Variants in CPNE8 observed in about 807,000 individuals in gnomAD.
CPNE8 encodes copine 8.
Under a neutral mutation model 81.5 loss-of-function variants are expected in CPNE8, and 45 were observed. The observed-to-expected ratio is 0.55, with a 90% CI of 0.44 to 0.71. The LOEUF is 0.71. Ranked by LOEUF, CPNE8 falls within the 30% of genes least tolerant of loss-of-function variation. CPNE8 has a pLI of 0.00. For synonymous variants in CPNE8, 252 were observed against 226.3 expected, an observed-to-expected ratio of 1.11 and a Z score of -1.02; for missense variants, 594 against 672.1, an observed-to-expected ratio of 0.88 and a Z score of 1.28.
Position 38,713,214 on chromosome 12 carries a change from G to A in CPNE8, c.915-10293C>T, listed in dbSNP as rs140629205. Reference sequence around the variant, plus strand: ...TCTTTGAAATTGGGCTGACTTTTTCGCAAACATTTATTCCTTATTGAATTT... The same window carrying A: ...TCTTTGAAATTGGGCTGACTTTTTCACAAACATTTATTCCTTATTGAATTT... On this transcript the variant is annotated intron_variant, in intron 13 of 19. Coordinates refer to ENST00000331366, the MANE Select transcript of CPNE8 (RefSeq NM_153634.3). 2.0e-3 allele frequency among the ~76,000 whole-genome samples: 297 copies of A among 152,148 alleles called. 2 individuals are homozygous for A. Among genetic ancestry groups the A allele is most frequent in the African/African-American group, 4.2e-3 (175 of 41,508 alleles).
In CPNE8 at chr12:38,653,623, A is replaced by AAAAAAAAAAAAG. The variant is rs1345566666; in HGVS notation, c.*258_*259insCTTTTTTTTTTT. 3.5e-6 allele frequency: 1 copy of AAAAAAAAAAAAG among 286,104 alleles called. No homozygotes were observed. The highest frequency in any genetic ancestry group is 5.5e-5 in the East Asian group (1 of 18,298). 17.7% of individuals were successfully genotyped at this position (286,104 alleles called of 1,614,324 possible). On this transcript the variant is annotated 3_prime_UTR_variant, in exon 20 of 20. Coordinates refer to ENST00000331366, the MANE Select transcript of CPNE8 (RefSeq NM_153634.3). ...GGAAATTAGCTGTTTCTGTTAAAAA[A>AAAAAAAAAAAAG]AAAAAGAAAGAAAGATTTAGAGAAG...
chr12:38,683,778 AT>A (rs1259163402), intron 16 of CPNE8, among the ~76,000 whole-genome samples: 2 of 152,148 alleles, frequency 1.3e-5, no homozygotes, highest in African/African-American at 2.4e-5. Flanking sequence ...CATGTAAAAA[AT>A]AATAAAGAAT....
rs1323606996 is a variant in CPNE8 at position 38,677,706 on chromosome 12, A to G, written c.1272-152T>C. ...TCTTATGCAAACTTTCAAATACACA[A>G]TTATCTGAAATAACACACTAGAACA... is the stretch of plus-strand genomic sequence containing the variant. On this transcript the variant is annotated intron_variant, in intron 16 of 19. Coordinates refer to ENST00000331366, the MANE Select transcript of CPNE8 (RefSeq NM_153634.3). The G allele has an allele frequency of 1.2e-5, 7 of 604,200 alleles. No homozygotes were observed. In the African/African-American group the frequency reaches 1.3e-4, roughly 11 times the overall value. The allele number at this position is 604,200 out of a possible 1,614,324, so 37.4% of individuals were successfully genotyped here.
chr12:38,893,672 A>G (rs1371226299), intron 1 of CPNE8, among the ~76,000 whole-genome samples: 1 of 152,204 alleles, frequency 6.6e-6, no homozygotes, highest in Admixed American at 6.5e-5. Context: ...ACGAGATCCA[A>G]GAACCCTCTC....
At chr12:38,808,266 C>G (rs71463386) in intron 6 of CPNE8, among the ~76,000 whole-genome samples, 7 of 151,978 alleles carry the variant, frequency 4.6e-5, no homozygotes, top group Non-Finnish European at 8.8e-5. Flanking sequence ...TATACCCAAA[C>G]GAGTATAAAT....
At chr12:38,799,177 C>A (rs1393277905) in intron 6 of CPNE8, among the ~76,000 whole-genome samples, 1 of 152,106 alleles carries the variant, frequency 6.6e-6, no homozygotes, top group Non-Finnish European at 1.5e-5. Flanking sequence ...GGGAATTGAA[C>A]TCATCTCTGC....
At chr12:38,774,726 A>G (rs1941889633) in intron 7 of CPNE8, among the ~76,000 whole-genome samples, 1 of 152,144 alleles carries the variant, frequency 6.6e-6, no homozygotes, top group Admixed American at 6.5e-5. Context: ...ACAAAGTACA[A>G]ATTAGTAGCA....
intron 10 of CPNE8, among the ~76,000 whole-genome samples, chr12:38,757,919 C>T (rs1026250576): frequency 5.3e-5 from 8 of 151,932 alleles, no homozygotes; most frequent in African/African-American, 1.2e-4. Context: ...TTTGAACATG[C>T]TGTTAATGAT....
chr12:38,863,723 C>T (rs1943873715), intron 3 of CPNE8, among the ~76,000 whole-genome samples: 2 of 152,206 alleles, frequency 1.3e-5, no homozygotes, highest in Admixed American at 1.3e-4. Context: ...TAAATGCAAA[C>T]ACATGGAAAT....
chr12:38,852,938 C>G (rs1001865394), intron 3 of CPNE8, among the ~76,000 whole-genome samples: 13 of 152,058 alleles, frequency 8.5e-5, no homozygotes, highest in African/African-American at 3.1e-4. Flanking sequence ...TTATGCATTT[C>G]TGGGTTTTCC....
chr12:38,792,867 C>T (rs1005928219), intron 6 of CPNE8, among the ~76,000 whole-genome samples: 1 of 151,522 alleles, frequency 6.6e-6, no homozygotes, highest in Non-Finnish European at 1.5e-5. Flanking sequence ...CAATGGCACA[C>T]TAAAAGAATT....
chr12:38,896,158 G>A (rs897820776), intron 1 of CPNE8, among the ~76,000 whole-genome samples: 10 of 152,082 alleles, frequency 6.6e-5, no homozygotes, highest in South Asian at 2.1e-4. Flanking sequence ...ATTTGAATTC[G>A]TTTACTGTCT....
intron 7 of CPNE8, among the ~76,000 whole-genome samples, chr12:38,771,737 T>C (rs1941808764): frequency 6.6e-6 from 1 of 152,156 alleles, no homozygotes; most frequent in South Asian, 2.1e-4. Flanking sequence ...ACATAGAGCC[T>C]TGTGATATTG....
At chr12:38,897,681 A>C (rs974948443) in intron 1 of CPNE8, among the ~76,000 whole-genome samples, 1 of 151,176 alleles carries the variant, frequency 6.6e-6, no homozygotes, top group African/African-American at 2.4e-5. Context: ...ATATGTGTGT[A>C]TATATTAATA....
intron 8 of CPNE8, among the ~76,000 whole-genome samples, chr12:38,766,891 G>C (rs1253895096): frequency 6.6e-6 from 1 of 152,090 alleles, no homozygotes; most frequent in Non-Finnish European, 1.5e-5. Context: ...CAACAACCCT[G>C]TGAGGTAGCT....
chr12:38,811,177 G>A (rs1325862990), intron 6 of CPNE8, among the ~76,000 whole-genome samples: 1 of 151,514 alleles, frequency 6.6e-6, no homozygotes, highest in African/African-American at 2.4e-5. Context: ...TCCATTCCTA[G>A]GCATATAAGA....
chr12:38,873,061 T>C lies in CPNE8; in HGVS notation c.140-11A>G, dbSNP rs1161388998. 4.7e-6 allele frequency: 7 copies of C among 1,494,650 alleles called. No homozygotes were observed. Among genetic ancestry groups the C allele is most frequent in the Non-Finnish European group, 5.6e-6 (6 of 1,080,022 alleles). 92.6% of individuals were successfully genotyped at this position (1,494,650 alleles called of 1,614,324 possible). A position where few individuals can be genotyped will look rare whatever the true frequency, so the allele number is the denominator to read the frequency against. On this transcript the variant is annotated splice_polypyrimidine_tract_variant and intron_variant, in intron 2 of 19. Transcript: ENST00000331366. ...CATATAAGACACAAACTACAAAAGA[T>C]GAAAAAATACGCACATATAAATGTC...
chr12:38,864,153 T>C (rs955177238), intron 3 of CPNE8, among the ~76,000 whole-genome samples: 3 of 152,030 alleles, frequency 2.0e-5, no homozygotes, highest in Non-Finnish European at 2.9e-5. Context: ...GATAAATGTA[T>C]GTATAAATTG....
At chr12:38,877,187 A>G (rs1944079737) in intron 1 of CPNE8, among the ~76,000 whole-genome samples, 1 of 152,166 alleles carries the variant, frequency 6.6e-6, no homozygotes, top group Non-Finnish European at 1.5e-5. Flanking sequence ...AAAGGCCTCC[A>G]ATTTTACCTA....
Sources: gnomAD v4.1 joint callset for allele counts (sites outside exome capture counted in the v4.1 genomes callset) on GRCh38, gnomAD v4.1.1 for gene constraint, MANE v1.5 for transcripts, NCBI Gene and HGNC (gene_info 2026-07-23, HGNC 2026-07-21) for gene names.